The following DOK6 variants were observed in gnomAD, a reference collection of about 807,000 sequenced individuals.
DOK6 encodes the protein docking protein 6.
DOK6 carries 22 observed loss-of-function variants against 44.0 expected under a neutral mutation model. That is an observed-to-expected ratio of 0.50 (90% CI 0.36 to 0.71). The LOEUF (loss-of-function observed/expected upper bound fraction) is 0.71, where lower values mean the gene tolerates loss of function less well. Among genes scored for constraint, DOK6 ranks in the 30% least tolerant of loss-of-function variants. The pLI is 0.00. For missense variants in DOK6, 340 were observed against 416.4 expected (o/e 0.82, Z 1.60); for synonymous variants, 166 against 145.5 (o/e 1.14, Z -1.01).
intron 3 of DOK6, among the ~76,000 whole-genome samples, chr18:69,615,687 C>T (rs1984267447): frequency 6.6e-6 from 1 of 152,186 alleles, no homozygotes; most frequent in South Asian, 2.1e-4. Flanking sequence ...CACACACCTC[C>T]ACCAAAAGTT....
At chr18:69,798,662 GT>G in intron 7 of DOK6, among the ~76,000 whole-genome samples, 1 of 151,914 alleles carries the variant, frequency 6.6e-6, no homozygotes, top group South Asian at 2.1e-4. Flanking sequence ...AATAAAAAAG[GT>G]TTTTGTTTTC....
At chr18:69,565,366 T>A (rs147764690) in intron 2 of DOK6, among the ~76,000 whole-genome samples, 1,628 of 152,206 alleles carry the variant, frequency 0.011, 22 homozygotes, top group African/African-American at 0.036. Context: ...TTTTTAAAAA[T>A]AGATTATTTG....
rs1978314269 is a variant in DOK6 at position 69,727,241 on chromosome 18, T to C, written c.600-11724T>C. Among the ~76,000 whole-genome samples, 3 of 152,086 alleles carry C rather than the reference T, an allele frequency of 2.0e-5. No individual in the cohort carries two copies. The South Asian group carries it at 6.2e-4, about 32-fold the overall frequency. ...ACTTACCTCCCAAAGGCCACACCTC[T>C]CACTACCATCACACCAAGAATAGGG... On this transcript the variant is annotated intron_variant, in intron 5 of 7. Coordinates refer to ENST00000382713, the MANE Select transcript of DOK6 (RefSeq NM_152721.6).
In DOK6 at chr18:69,843,361, G is replaced by A. The variant is rs1046702977; in HGVS notation, c.*1978G>A. The A allele has an allele frequency of 6.6e-6, 1 of 152,212 alleles. No individual in the cohort carries two copies. The highest frequency in any genetic ancestry group is 6.5e-5 in the Admixed American group (1 of 15,280). The allele number at this position is 152,212 out of a possible 1,614,324, so 9.4% of individuals were successfully genotyped here. A position where few individuals can be genotyped will look rare whatever the true frequency, so the allele number is the denominator to read the frequency against. ...TGCACATGGCATTTGCTTTTGAAAT[G>A]CCTTTAGTCAAATACACCAGAGCAA... On this transcript the variant is annotated 3_prime_UTR_variant, in exon 8 of 8. Coordinates refer to ENST00000382713, the MANE Select transcript of DOK6 (RefSeq NM_152721.6).
chr18:69,432,550 C>A, intron 1 of DOK6, among the ~76,000 whole-genome samples: 1 of 152,134 alleles, frequency 6.6e-6, no homozygotes. Context: ...TGATTGCTAA[C>A]AACATAATGC....
chr18:69,480,309 C>G (rs897032506), intron 1 of DOK6, among the ~76,000 whole-genome samples: 1 of 151,888 alleles, frequency 6.6e-6, no homozygotes, highest in South Asian at 2.1e-4. Flanking sequence ...TGTCATCTAA[C>G]TTTTGAGATG....
intron 1 of DOK6, among the ~76,000 whole-genome samples, chr18:69,429,759 A>C (rs935683508): frequency 6.6e-6 from 1 of 150,378 alleles, no homozygotes; most frequent in Admixed American, 6.7e-5. Flanking sequence ...CACAGTTGTA[A>C]TTTCTAAGCC....
At position 69,616,034 on chromosome 18, in the gene DOK6, T is replaced by C. The variant is rs1984276768; in HGVS notation, c.289+16536T>C. Among the ~76,000 whole-genome samples the C allele has an allele frequency of 1.3e-5, 2 of 152,172 alleles. 1 individual carries two copies. The highest frequency in any genetic ancestry group is 4.1e-4 in the South Asian group (2 of 4,836). On this transcript the variant is annotated intron_variant, in intron 3 of 7. Transcript: ENST00000382713. ...GGCTGCTAAACAACTAATTTAAGGA[T>C]AGACAATACAGTTAAGTGTGACATG...
At chr18:69,798,432 T>C (rs561741423) in intron 7 of DOK6, among the ~76,000 whole-genome samples, 63 of 152,208 alleles carry the variant, frequency 4.1e-4, no homozygotes, top group Middle Eastern at 3.4e-3. Flanking sequence ...TCATTTAATG[T>C]GGTTTTCTGT....
rs565622003 is a variant in DOK6, at chr18:69,500,855, C to G, written c.67-63632C>G. Among the ~76,000 whole-genome samples the G allele has an allele frequency of 1.3e-3, 191 of 152,192 alleles. 1 individual carries two copies. Among genetic ancestry groups the G allele is most frequent in the African/African-American group, 4.3e-3 (180 of 41,546 alleles). ...TTGTGTAAGGTGAGTGATCTAACTACTTTGTTTATAAATCTAACTGTCACC... is the reference window on the plus strand; with the variant it reads ...TTGTGTAAGGTGAGTGATCTAACTAGTTTGTTTATAAATCTAACTGTCACC... On this transcript the variant is annotated intron_variant, in intron 1 of 7. Transcript: ENST00000382713.
intron 1 of DOK6, among the ~76,000 whole-genome samples, chr18:69,542,553 C>A (rs1333505710): frequency 6.6e-6 from 1 of 151,364 alleles, no homozygotes; most frequent in East Asian, 1.9e-4. Context: ...AGTTACGTAG[C>A]GCTACACGAA....
intron 3 of DOK6, among the ~76,000 whole-genome samples, chr18:69,606,353 A>G (rs1983996365): frequency 6.6e-6 from 1 of 151,960 alleles, no homozygotes; most frequent in Non-Finnish European, 1.5e-5. Flanking sequence ...CTAAAATTAT[A>G]TGGAAAGAAA....
At chr18:69,703,052 GA>G (rs34835875) in intron 5 of DOK6, among the ~76,000 whole-genome samples, 100,006 of 149,692 alleles carry the variant, frequency 0.67, 33,544 homozygotes, top group East Asian at 0.89. Context: ...CTCCGAGGGG[GA>G]AAAAAAAAAA....
chr18:69,838,177 C>A (rs1225178167), intron 7 of DOK6, among the ~76,000 whole-genome samples: 7 of 149,366 alleles, frequency 4.7e-5, no homozygotes, highest in Non-Finnish European at 1.5e-5. Flanking sequence ...TCTCAGCCCA[C>A]AAGTAGTGTG....
intron 7 of DOK6, among the ~76,000 whole-genome samples, chr18:69,765,484 C>T (rs1329679727): frequency 6.6e-6 from 1 of 152,160 alleles, no homozygotes; most frequent in Non-Finnish European, 1.5e-5. Flanking sequence ...TAAAAATGCA[C>T]AAAACATTCC....
chr18:69,666,659 T>A (rs1043556272), intron 3 of DOK6, among the ~76,000 whole-genome samples: 4 of 152,182 alleles, frequency 2.6e-5, no homozygotes, highest in African/African-American at 9.6e-5. Context: ...ATAGTGGGAC[T>A]CAAAAACATG....
At chr18:69,725,017 G>A (rs1656365490) in intron 5 of DOK6, 1 of 152,128 alleles carries the variant, frequency 6.6e-6, no homozygotes, top group African/African-American at 2.4e-5. Context: ...AACTCTTTCT[G>A]TATAAATACT....
chr18:69,656,399 T>A (rs766298219), intron 3 of DOK6, among the ~76,000 whole-genome samples: 1 of 152,164 alleles, frequency 6.6e-6, no homozygotes, highest in African/African-American at 2.4e-5. Context: ...TGAGACGATA[T>A]CACAAAGTGG....
intron 7 of DOK6, among the ~76,000 whole-genome samples, chr18:69,767,746 A>G (rs1028786853): frequency 3.9e-5 from 6 of 152,202 alleles, no homozygotes; most frequent in Non-Finnish European, 8.8e-5. Context: ...TCTCTCTCAC[A>G]GTGCATTCTA....
Sources: gnomAD v4.1 joint callset for allele counts (sites outside exome capture counted in the v4.1 genomes callset) on GRCh38, gnomAD v4.1.1 for gene constraint, MANE v1.5 for transcripts, NCBI Gene and HGNC (gene_info 2026-07-23, HGNC 2026-07-21) for gene names.